Variants in DOK6 observed in about 807,000 individuals in gnomAD.
DOK6 encodes the protein docking protein 6.
Under a neutral mutation model 44.0 loss-of-function variants are expected in DOK6, and 22 were observed. That is an observed-to-expected ratio of 0.50 (90% CI 0.36 to 0.71). DOK6 has a LOEUF of 0.71. DOK6 is among the 30% of genes least tolerant of loss of function. The pLI is 0.00. For synonymous variants in DOK6, 166 were observed against 145.5 expected (o/e 1.14, Z -1.01); for missense variants, 340 against 416.4 (o/e 0.82, Z 1.60).
At chr18:69,528,217 C>T (rs78735247) in intron 1 of DOK6, among the ~76,000 whole-genome samples, 2 of 150,732 alleles carry the variant, frequency 1.3e-5, no homozygotes, top group African/African-American at 4.9e-5. Flanking sequence ...AGATGCATAG[C>T]GTTGCATAAA....
At chr18:69,564,417 T>C in intron 1 of DOK6, 70 bp from the exon 2 acceptor site, 3 of 1,341,502 alleles carry the variant, frequency 2.2e-6, no homozygotes, top group South Asian at 1.3e-5. Context: ...AATTGATTAA[T>C]TGAATCAACT....
intron 7 of DOK6, among the ~76,000 whole-genome samples, chr18:69,793,868 T>C (rs890103362): frequency 3.9e-5 from 6 of 152,098 alleles, no homozygotes; most frequent in Non-Finnish European, 7.4e-5. Flanking sequence ...CCAAGAATTA[T>C]AGGACAAAAG....
At chr18:69,824,314 C>T (rs556143117) in intron 7 of DOK6, among the ~76,000 whole-genome samples, 7 of 147,130 alleles carry the variant, frequency 4.8e-5, no homozygotes, top group African/African-American at 1.5e-4. Context: ...TTTGTCCTTG[C>T]GATAGTTTGC....
At chr18:69,472,335 A>G (rs952505129) in intron 1 of DOK6, among the ~76,000 whole-genome samples, 2 of 151,826 alleles carry the variant, frequency 1.3e-5, no homozygotes, top group Non-Finnish European at 2.9e-5. Flanking sequence ...GCACTGTACC[A>G]CTCTCCCGAG....
chr18:69,495,706 G>A (rs922447324), intron 1 of DOK6, among the ~76,000 whole-genome samples: 8 of 152,168 alleles, frequency 5.3e-5, no homozygotes, highest in Non-Finnish European at 1.2e-4. Flanking sequence ...TTCTGCCCAG[G>A]TACCTGTCTG....
intron 1 of DOK6, among the ~76,000 whole-genome samples, chr18:69,544,088 C>T (rs1469884631): frequency 7.5e-6 from 1 of 133,198 alleles, no homozygotes; most frequent in African/African-American, 2.6e-5. Context: ...GAAACCCTGT[C>T]TCTACTAAAA....
chr18:69,839,758 C>T (rs956228995), intron 7 of DOK6, among the ~76,000 whole-genome samples: 5 of 152,238 alleles, frequency 3.3e-5, no homozygotes, highest in Non-Finnish European at 5.9e-5. Flanking sequence ...CTCCAGGCGC[C>T]GTGGGGCAGA....
chr18:69,699,007 A>G (rs999478643), intron 5 of DOK6, among the ~76,000 whole-genome samples: 2 of 152,206 alleles, frequency 1.3e-5, no homozygotes, highest in African/African-American at 4.8e-5. Flanking sequence ...ATCTTTTTTT[A>G]AAGTTTTAAA....
At chr18:69,567,495 G>A (rs1983011814) in intron 2 of DOK6, among the ~76,000 whole-genome samples, 1 of 152,052 alleles carries the variant, frequency 6.6e-6, no homozygotes, top group South Asian at 2.1e-4. Context: ...AATGAGGCAG[G>A]AACAATTCGG....
chr18:69,737,825 T>C (rs1251325889), intron 5 of DOK6, among the ~76,000 whole-genome samples: 1 of 152,128 alleles, frequency 6.6e-6, no homozygotes. Flanking sequence ...GACATAACAA[T>C]TTGTGTCTTC....
At chr18:69,739,242 T>G in intron 6 of DOK6, 139 bp downstream of exon 6, 1 of 1,081,264 alleles carries the variant, frequency 9.2e-7, no homozygotes, top group Non-Finnish European at 1.3e-6. Context: ...TACCCTACCC[T>G]CTCATCTCTC....
chr18:69,426,916 T>C (rs923571718), intron 1 of DOK6, among the ~76,000 whole-genome samples: 3 of 152,144 alleles, frequency 2.0e-5, no homozygotes, highest in Non-Finnish European at 4.4e-5. Context: ...TAATGGGGGC[T>C]TGTTTTACAG....
chr18:69,646,020 G>T (rs1483100508), intron 3 of DOK6, among the ~76,000 whole-genome samples: 2 of 152,046 alleles, frequency 1.3e-5, no homozygotes, highest in African/African-American at 4.8e-5. Flanking sequence ...GATCTAAAAG[G>T]AATATGTATT....
At chr18:69,678,943 A>C (rs1196750558) in intron 4 of DOK6, among the ~76,000 whole-genome samples, 1 of 152,142 alleles carries the variant, frequency 6.6e-6, no homozygotes. Flanking sequence ...TTTAGGAGGC[A>C]GTGGTGGGTG....
intron 3 of DOK6, among the ~76,000 whole-genome samples, chr18:69,638,186 C>A (rs4497792): frequency 0.51 from 77,981 of 152,048 alleles, 20,479 homozygotes; most frequent in Admixed American, 0.65. Context: ...TGTTGTAGTG[C>A]GGAAGCAGTG....
At chr18:69,770,960 A>G (rs1979871837) in intron 7 of DOK6, among the ~76,000 whole-genome samples, 1 of 152,024 alleles carries the variant, frequency 6.6e-6, no homozygotes, top group Admixed American at 6.6e-5. Context: ...AAAAGTGTAA[A>G]TGTCTTCTTA....
chr18:69,677,187 C>T (rs1240769577), intron 3 of DOK6, among the ~76,000 whole-genome samples: 1 of 152,038 alleles, frequency 6.6e-6, no homozygotes, highest in East Asian at 1.9e-4. Flanking sequence ...AAATCTAAGT[C>T]ACTTTCAGGA....
intron 7 of DOK6, among the ~76,000 whole-genome samples, chr18:69,801,435 A>G (rs1488949676): frequency 6.6e-6 from 1 of 152,206 alleles, no homozygotes; most frequent in Non-Finnish European, 1.5e-5. Context: ...AAGGCCACCA[A>G]ATATCGGAAG....
intron 1 of DOK6, among the ~76,000 whole-genome samples, chr18:69,468,540 AT>A (rs1302541479): frequency 6.6e-6 from 1 of 152,196 alleles, no homozygotes; most frequent in African/African-American, 2.4e-5. Flanking sequence ...TGAGAAGTGT[AT>A]GGCTTGGTAT....
Sources: gnomAD v4.1 joint callset for allele counts (sites outside exome capture counted in the v4.1 genomes callset) on GRCh38, gnomAD v4.1.1 for gene constraint, MANE v1.5 for transcripts, NCBI Gene and HGNC (gene_info 2026-07-23, HGNC 2026-07-21) for gene names.